Variants in SV2B observed in about 807,000 individuals in gnomAD.
The protein encoded by SV2B is solute carrier family 22 member B2.
In SV2B, 41 loss-of-function variants were observed where a neutral mutation model predicts 73.9. That is an observed-to-expected ratio of 0.56 (90% CI 0.43 to 0.72). SV2B has a LOEUF of 0.72. Ranked by LOEUF, SV2B falls within the 30% of genes least tolerant of loss-of-function variation. The pLI is 0.00. For synonymous variants in SV2B, 314 were observed against 314.2 expected, an observed-to-expected ratio of 1.00 and a Z score of 0.01; for missense variants, 764 against 857.8, an observed-to-expected ratio of 0.89 and a Z score of 1.37.
chr15:91,144,238 G>A (rs1271316530), intron 1 of SV2B, among the ~76,000 whole-genome samples: 1 of 152,160 alleles, frequency 6.6e-6, no homozygotes, highest in Non-Finnish European at 1.5e-5. Flanking sequence ...AAAACCAGAA[G>A]GTTAAACACA....
chr15:91,206,223 T>TTTC (rs1179843313), intron 1 of SV2B, among the ~76,000 whole-genome samples: 4 of 147,916 alleles, frequency 2.7e-5, no homozygotes, highest in African/African-American at 1.0e-4. Context: ...TTTTTTTTTT[T>TTTC]CAGATACAGG....
rs745467646 is a variant in SV2B, at chr15:91,258,540, A to T, written c.904A>T (p.Arg302Trp). The T allele has an allele frequency of 8.1e-6, 13 of 1,614,030 alleles. No individual in the cohort carries two copies. Among genetic ancestry groups the T allele is most frequent in the Non-Finnish European group, 1.1e-5 (13 of 1,179,950 alleles). The change falls in exon 5 of 13, where the codon AGG becomes TGG. Residue 302 changes from arginine (R) to tryptophan (W), a missense_variant. By Grantham distance (101) the Arg-to-Trp change is moderately radical (BLOSUM62 -3). Coordinates refer to ENST00000394232, the MANE Select transcript of SV2B (RefSeq NM_001323032.3). The surrounding 1 kb of genome is among the most constrained non-coding windows in gnomAD (Gnocchi z 4.7). ...VALKFMPESP[R>W]FLLEMGKHDE... ...CCTGAAGTTCATGCCAGAGAGCCCA[A>T]GGTTTCTGCTAGAGGTGAGTCAGTG... is the stretch of plus-strand genomic sequence containing the variant.
Position 91,290,698 on chromosome 15 carries a change from C to T in SV2B, c.1868+1018C>T, listed in dbSNP as rs1407680550. Reference sequence around the variant, plus strand: ...AGTGAAACACTCAAATGAAGAAAACCATAAAGCTTTACTAAGAGATATAAA... The same window carrying T: ...AGTGAAACACTCAAATGAAGAAAACTATAAAGCTTTACTAAGAGATATAAA... On this transcript the variant is annotated intron_variant, in intron 12 of 12. Transcript: ENST00000394232. The surrounding 1 kb of genome is among the most constrained non-coding windows in gnomAD (Gnocchi z 4.7). Among the ~76,000 whole-genome samples the T allele has an allele frequency of 6.6e-6, 1 of 151,878 alleles. No individual in the cohort carries two copies. The highest frequency in any genetic ancestry group is 1.9e-4 in the East Asian group (1 of 5,192).
chr15:91,149,089 G>T (rs1262668535), intron 1 of SV2B, among the ~76,000 whole-genome samples: 2 of 152,216 alleles, frequency 1.3e-5, no homozygotes, highest in Non-Finnish European at 2.9e-5. Flanking sequence ...CTGGTGGATT[G>T]ACTTCAAGAT....
At chr15:91,161,601 T>C (rs1451891469) in intron 1 of SV2B, among the ~76,000 whole-genome samples, 1 of 152,178 alleles carries the variant, frequency 6.6e-6, no homozygotes, top group Non-Finnish European at 1.5e-5. Context: ...ACAACAACAC[T>C]GGGATGCAGA....
chr15:91,148,429 A>G (rs763276283), intron 1 of SV2B, among the ~76,000 whole-genome samples: 3 of 152,186 alleles, frequency 2.0e-5, no homozygotes, highest in Non-Finnish European at 4.4e-5. Flanking sequence ...GTGGGGAGAC[A>G]GCAAGTGAGA....
chr15:91,140,364 G>T lies in SV2B; in HGVS notation c.-392+40001G>T, dbSNP rs1221934161. 6.6e-6 allele frequency among the ~76,000 whole-genome samples: 1 copy of T among 152,182 alleles called. No homozygotes were observed. The highest frequency in any genetic ancestry group is 2.4e-5 in the African/African-American group (1 of 41,442). The stretch of plus-strand genomic sequence containing the variant: ...AGAAGGATTTTAAAATAATAAAAAT[G>T]CCTTTCAGCATTTTCTGTCTCAAAA... On this transcript the variant is annotated intron_variant, in intron 1 of 12. Coordinates refer to ENST00000394232, the MANE Select transcript of SV2B (RefSeq NM_001323032.3). This position sits in a 1 kb window ranked among gnomAD's most constrained non-coding sequence, Gnocchi z 4.4.
Position 91,258,358 on chromosome 15 carries a change from T to C in SV2B, c.785-63T>C. ...AAGTTTGTGAGCCAGGGCTTCAGAG[T>C]CACTCTTCCGTAGAGGAAAAGATCA... On this transcript the variant is annotated intron_variant, in intron 4 of 12. Coordinates refer to ENST00000394232, the MANE Select transcript of SV2B (RefSeq NM_001323032.3). This position sits in a 1 kb window ranked among gnomAD's most constrained non-coding sequence, Gnocchi z 4.7. 2 of 1,590,418 alleles carry C rather than the reference T, an allele frequency of 1.3e-6. No homozygotes were observed. Among genetic ancestry groups the C allele is most frequent in the Non-Finnish European group, 1.7e-6 (2 of 1,168,370 alleles).
chr15:91,178,015 T>C (rs1464175131), intron 1 of SV2B, among the ~76,000 whole-genome samples: 1 of 151,472 alleles, frequency 6.6e-6, no homozygotes. Context: ...TTCAGTATGA[T>C]ATTGGTTGTG....
chr15:91,172,644 G>A (rs544956851), intron 1 of SV2B, among the ~76,000 whole-genome samples: 41 of 152,282 alleles, frequency 2.7e-4, no homozygotes, highest in African/African-American at 9.4e-4. Context: ...TAGAAGCAGA[G>A]AGCAGAGCAG....
chr15:91,148,382 A>C (rs545534389), intron 1 of SV2B, among the ~76,000 whole-genome samples: 1 of 152,232 alleles, frequency 6.6e-6, no homozygotes, highest in African/African-American at 2.4e-5. Flanking sequence ...ATAGCACAGG[A>C]AGCAGGAAAA....
chr15:91,171,324 G>GT (rs1171148887), intron 1 of SV2B, among the ~76,000 whole-genome samples: 2 of 152,330 alleles, frequency 1.3e-5, no homozygotes, highest in African/African-American at 4.8e-5. Flanking sequence ...TATTAAATCA[G>GT]TTAATTTGTG....
At chr15:91,134,615 A>G (rs1362316074) in intron 1 of SV2B, among the ~76,000 whole-genome samples, 2 of 152,206 alleles carry the variant, frequency 1.3e-5, no homozygotes, top group Non-Finnish European at 2.9e-5. Flanking sequence ...CAGGCTCTGG[A>G]ATGAAATGTT....
chr15:91,150,006 CTTTA>C (rs1300714108), intron 1 of SV2B, among the ~76,000 whole-genome samples: 4 of 152,102 alleles, frequency 2.6e-5, no homozygotes, highest in East Asian at 3.9e-4. Context: ...GTCTGTCTCT[CTTTA>C]TTTGTTTATT....
intron 1 of SV2B, among the ~76,000 whole-genome samples, chr15:91,205,374 T>C (rs1351358949): frequency 1.3e-5 from 2 of 151,860 alleles, no homozygotes; most frequent in African/African-American, 2.4e-5. Context: ...ACATTTCTTT[T>C]TTTTTTTTTT....
In SV2B at chr15:91,132,051, G is replaced by A. The variant is rs2042670023; in HGVS notation, c.-392+31688G>A. ...GTGACTGCAAGTTATTGAGGTTCTT[G>A]GTGTTTTGAACAAAGAATGGGACAA... is the stretch of plus-strand genomic sequence containing the variant. On this transcript the variant is annotated intron_variant, in intron 1 of 12. Transcript: ENST00000394232. This position sits in a 1 kb window ranked among gnomAD's most constrained non-coding sequence, Gnocchi z 4.6. Among the ~76,000 whole-genome samples, 1 of 152,160 alleles carries A rather than the reference G, an allele frequency of 6.6e-6. No homozygotes were observed. Among genetic ancestry groups the A allele is most frequent in the Admixed American group, 6.5e-5 (1 of 15,282 alleles).
In SV2B at chr15:91,231,024, T is replaced by C. The variant is rs972984004; in HGVS notation, c.451+4310T>C. Among the ~76,000 whole-genome samples, 2 of 152,168 alleles carry C rather than the reference T, an allele frequency of 1.3e-5. No individual in the cohort carries two copies. The highest frequency in any genetic ancestry group is 4.8e-5 in the African/African-American group (2 of 41,430). ...GTGACCTTGGGCCAATCTGAAGTCT[T>C]TCTTCTGAGATTCCACAGTTTTTGG... On this transcript the variant is annotated intron_variant, in intron 2 of 12. Coordinates refer to ENST00000394232, the MANE Select transcript of SV2B (RefSeq NM_001323032.3). The surrounding 1 kb of genome is among the most constrained non-coding windows in gnomAD (Gnocchi z 4.5).
chr15:91,221,677 A>G (rs1188787862), intron 1 of SV2B, among the ~76,000 whole-genome samples: 1 of 117,070 alleles, frequency 8.5e-6, no homozygotes, highest in East Asian at 2.2e-4. Flanking sequence ...CCTGTGGACT[A>G]TTACCAAGCA....
chr15:91,146,550 A>G (rs1404325999), intron 1 of SV2B, among the ~76,000 whole-genome samples: 1 of 152,170 alleles, frequency 6.6e-6, no homozygotes, highest in Non-Finnish European at 1.5e-5. Context: ...GGCCATTTTA[A>G]TGATATTGAT....
Sources: gnomAD v4.1 joint callset for allele counts (sites outside exome capture counted in the v4.1 genomes callset) on GRCh38, gnomAD v4.1.1 for gene constraint, Gnocchi (gnomAD v3.1) non-coding constraint, MANE v1.5 for transcripts, NCBI Gene and HGNC (gene_info 2026-07-23, HGNC 2026-07-21) for gene names.